GALM: variants seen among roughly 807,000 people sequenced by gnomAD.
GALM encodes aldose 1-epimerase.
GALM carries 43 observed loss-of-function variants against 37.4 expected under a neutral mutation model. The ratio of observed to expected loss-of-function variants is 1.15; its 90% CI spans 0.90 to 1.48. GALM has a LOEUF of 1.48. Ranked by LOEUF, GALM falls within the 40% of genes most tolerant of loss-of-function variation. GALM has a pLI of 0.00. For missense variants in GALM, 456 were observed against 419.1 expected (o/e 1.09, Z -0.77); for synonymous variants, 199 against 170.6 (o/e 1.17, Z -1.30).
chr2:38,731,938 A>C, intron 6 of GALM, 29 bp downstream of exon 6: 6 of 1,596,726 alleles, frequency 3.8e-6, no homozygotes, highest in Non-Finnish European at 5.2e-6. Context: ...TTTTCAGAGT[A>C]GAGTTGTGTC....
chr2:38,714,359 C>T (rs190615637), intron 4 of GALM, among the ~76,000 whole-genome samples: 24 of 152,108 alleles, frequency 1.6e-4, no homozygotes, highest in East Asian at 1.5e-3. Context: ...GGACTACAGG[C>T]GTGCACCACC....
intron 4 of GALM, among the ~76,000 whole-genome samples, chr2:38,697,887 T>C (rs1665843117): frequency 6.6e-6 from 1 of 152,002 alleles, no homozygotes; most frequent in Non-Finnish European, 1.5e-5. Flanking sequence ...CCACAAATCT[T>C]TGGCAGCCAT....
intron 4 of GALM, among the ~76,000 whole-genome samples, chr2:38,718,903 C>G (rs914855130): frequency 2.2e-4 from 33 of 151,830 alleles, no homozygotes; most frequent in African/African-American, 7.3e-4. Context: ...TAAAATTCAT[C>G]CGGGTGAGAG....
chr2:38,709,818 G>T (rs1051241961), intron 4 of GALM, among the ~76,000 whole-genome samples: 4 of 152,182 alleles, frequency 2.6e-5, no homozygotes, highest in Non-Finnish European at 4.4e-5. Flanking sequence ...ATAACAACAG[G>T]CATTCTAGAG....
chr2:38,729,307 C>T (rs1666547149), intron 4 of GALM, among the ~76,000 whole-genome samples: 1 of 152,170 alleles, frequency 6.6e-6, no homozygotes, highest in South Asian at 2.1e-4. Context: ...CCTGCCTCAG[C>T]CTCCTGAGTA....
chr2:38,703,442 C>T (rs922834629), intron 4 of GALM, among the ~76,000 whole-genome samples: 1 of 151,872 alleles, frequency 6.6e-6, no homozygotes, highest in African/African-American at 2.4e-5. Context: ...TGTGTGAGAA[C>T]TGGGATTCAG....
In GALM at chr2:38,681,453, G is replaced by T; in HGVS notation, c.519G>T (p.Leu173=). 6.2e-7 allele frequency: 1 copy of T among 1,614,168 alleles called. No individual in the cohort carries two copies. Among genetic ancestry groups the T allele is most frequent in the Non-Finnish European group, 8.5e-7 (1 of 1,180,024 alleles). The change falls in exon 3 of 7, where the codon CTG becomes CTT. Residue 173 remains leucine, a synonymous_variant. Transcript: ENST00000272252. ...AQASQATPVN[L]TNHSYFNLAG... is the part of the protein sequence containing the mutation. ...CCAGTCAGGCCACACCAGTCAACCT[G>T]ACCAACCATTCTTACTTCAACCTGG...
At chr2:38,732,801 C>T (rs62144786) in intron 6 of GALM, among the ~76,000 whole-genome samples, 2 of 151,714 alleles carry the variant, frequency 1.3e-5, no homozygotes. Context: ...ACACCTGTGG[C>T]CCCAGCTACT....
At chr2:38,707,432 G>A (rs1298325670) in intron 4 of GALM, among the ~76,000 whole-genome samples, 1 of 152,154 alleles carries the variant, frequency 6.6e-6, no homozygotes, top group African/African-American at 2.4e-5. Flanking sequence ...AGATGGCCAG[G>A]GGTAGAAGGC....
intron 4 of GALM, among the ~76,000 whole-genome samples, chr2:38,721,965 A>G (rs1572541676): frequency 1.3e-5 from 2 of 151,496 alleles, no homozygotes. Context: ...CAGCACCACA[A>G]GAACATACAG....
chr2:38,702,649 T>C (rs1665942656), intron 4 of GALM, among the ~76,000 whole-genome samples: 2 of 152,134 alleles, frequency 1.3e-5, no homozygotes, highest in African/African-American at 4.8e-5. Context: ...GTCTCTGCTA[T>C]CTGCCTCTCC....
chr2:38,729,789 C>A, intron 5 of GALM, 92 bp downstream of exon 5: 5 of 1,059,070 alleles, frequency 4.7e-6, no homozygotes, highest in South Asian at 1.4e-5. Context: ...ATATCAATAG[C>A]ATTTACTATG....
chr2:38,709,637 A>G (rs926578834), intron 4 of GALM, among the ~76,000 whole-genome samples: 10 of 152,172 alleles, frequency 6.6e-5, no homozygotes, highest in African/African-American at 2.4e-4. Flanking sequence ...AGGGAAAAAA[A>G]CCTGCAGCAT....
chr2:38,716,035 G>A (rs983124730), intron 4 of GALM, among the ~76,000 whole-genome samples: 3 of 152,190 alleles, frequency 2.0e-5, no homozygotes, highest in Non-Finnish European at 4.4e-5. Flanking sequence ...GAGTTTAACT[G>A]CCAAACAGGT....
chr2:38,670,423 A>G (rs1159870254), intron 1 of GALM, among the ~76,000 whole-genome samples: 12 of 152,234 alleles, frequency 7.9e-5, no homozygotes, highest in Non-Finnish European at 1.8e-4. Context: ...ATGAGGAAAA[A>G]AAAGGATCAG....
chr2:38,675,544 TGTGTGTGTG>T (rs1665236126), intron 1 of GALM, among the ~76,000 whole-genome samples: 107 of 54,700 alleles, frequency 2.0e-3, no homozygotes, highest in African/African-American at 7.1e-3. Flanking sequence ...TTTTTTTTTT[TGTGTGTGTG>T]TGTGTGTGTG....
At chr2:38,708,882 G>T (rs1043536660) in intron 4 of GALM, among the ~76,000 whole-genome samples, 9 of 152,156 alleles carry the variant, frequency 5.9e-5, no homozygotes, top group Non-Finnish European at 1.3e-4. Flanking sequence ...CAAGTAAAAT[G>T]GTTGTCAGAG....
At chr2:38,725,642 C>G (rs1320388160) in intron 4 of GALM, among the ~76,000 whole-genome samples, 5 of 152,150 alleles carry the variant, frequency 3.3e-5, no homozygotes, top group Non-Finnish European at 5.9e-5. Context: ...TTGAGCATAG[C>G]AGGACCCTGT....
chr2:38,681,244 G>C (rs1665386555), intron 2 of GALM, 36 bp from the exon 3 acceptor site: 1 of 1,499,288 alleles, frequency 6.7e-7, no homozygotes. Flanking sequence ...CTTGAGGATG[G>C]AGCAACTACA....
Sources: gnomAD v4.1 joint callset for allele counts (sites outside exome capture counted in the v4.1 genomes callset) on GRCh38, gnomAD v4.1.1 for gene constraint, MANE v1.5 for transcripts, NCBI Gene and HGNC (gene_info 2026-07-23, HGNC 2026-07-21) for gene names.